The following SLC30A8 variants were observed in gnomAD, a reference collection of about 807,000 sequenced individuals.
SLC30A8 encodes the protein proton-coupled zinc antiporter SLC30A8.
SLC30A8 carries 27 observed loss-of-function variants against 36.9 expected under a neutral mutation model. The ratio of observed to expected loss-of-function variants is 0.73; its 90% CI spans 0.54 to 1.01. The LOEUF is 1.01. SLC30A8 is among the 50% of genes least tolerant of loss of function. The pLI is 0.00. For missense variants in SLC30A8, 439 were observed against 452.0 expected, an observed-to-expected ratio of 0.97 and a Z score of 0.26; for synonymous variants, 164 against 172.4, an observed-to-expected ratio of 0.95 and a Z score of 0.38.
intron 1 of SLC30A8, among the ~76,000 whole-genome samples, chr8:116,977,785 C>G (rs1815103002): frequency 6.6e-6 from 1 of 152,144 alleles, no homozygotes; most frequent in Non-Finnish European, 1.5e-5. Flanking sequence ...GTTGGGATTA[C>G]AGGTGTGAGC....
chr8:117,032,243 A>T (rs1330658558), intron 1 of SLC30A8, among the ~76,000 whole-genome samples: 1 of 151,802 alleles, frequency 6.6e-6, no homozygotes, highest in East Asian at 1.9e-4. Flanking sequence ...CCTTCTCAGT[A>T]CTTGTCAAAG....
chr8:117,121,697 A>C (rs7006515), intron 2 of SLC30A8, among the ~76,000 whole-genome samples: 1 of 151,946 alleles, frequency 6.6e-6, no homozygotes, highest in South Asian at 2.1e-4. Context: ...ACACTGCAAC[A>C]TGGATGAACC....
intron 2 of SLC30A8, among the ~76,000 whole-genome samples, chr8:117,044,181 A>G (rs1817475801): frequency 6.6e-6 from 1 of 152,192 alleles, no homozygotes; most frequent in African/African-American, 2.4e-5. Context: ...CCTGGGGTAA[A>G]GTGTTCAGGC....
At chr8:117,071,191 T>C (rs1233481718) in intron 2 of SLC30A8, among the ~76,000 whole-genome samples, 1 of 152,052 alleles carries the variant, frequency 6.6e-6, no homozygotes, top group East Asian at 1.9e-4. Flanking sequence ...CTTTTCTCCA[T>C]ATCCTCTTCA....
At chr8:117,132,826 GATATA>G (rs1821188720), upstream of SLC30A8, among the ~76,000 whole-genome samples, 1 of 152,086 alleles carries the variant, frequency 6.6e-6, no homozygotes, top group Admixed American at 6.6e-5. Context: ...TATTTTACAT[GATATA>G]ATATGCAATT....
At chr8:116,965,999 T>C (rs1270489140) in intron 1 of SLC30A8, among the ~76,000 whole-genome samples, 2 of 151,752 alleles carry the variant, frequency 1.3e-5, no homozygotes, top group Non-Finnish European at 2.9e-5. Flanking sequence ...TTCTCCTGCC[T>C]CAGCCTTCCA....
intron 2 of SLC30A8, among the ~76,000 whole-genome samples, chr8:117,121,724 T>G (rs1279819754): frequency 6.6e-6 from 1 of 151,964 alleles, no homozygotes; most frequent in Non-Finnish European, 1.5e-5. Context: ...GCATTCTAAG[T>G]GAAATAAGCC....
At chr8:117,156,948 A>C (rs1013503596) in intron 3 of SLC30A8, among the ~76,000 whole-genome samples, 1 of 152,232 alleles carries the variant, frequency 6.6e-6, no homozygotes, top group Non-Finnish European at 1.5e-5. Flanking sequence ...GACTCACAGA[A>C]TGTTTCTAGA....
intron 2 of SLC30A8, among the ~76,000 whole-genome samples, chr8:117,043,376 G>T (rs1033822509): frequency 3.3e-5 from 5 of 152,188 alleles, no homozygotes; most frequent in Non-Finnish European, 4.4e-5. Flanking sequence ...AACTTGAGTG[G>T]GTTTGTGAGG....
intron 1 of SLC30A8, among the ~76,000 whole-genome samples, chr8:117,141,702 C>T (rs1772911937): frequency 6.6e-6 from 1 of 152,092 alleles, no homozygotes; most frequent in Admixed American, 6.5e-5. Flanking sequence ...ATGGTGAAAG[C>T]CTGAAAACTT....
chr8:117,110,573 G>C (rs904737462), intron 2 of SLC30A8, among the ~76,000 whole-genome samples: 1 of 152,168 alleles, frequency 6.6e-6, no homozygotes, highest in Non-Finnish European at 1.5e-5. Flanking sequence ...GCATGCAGGG[G>C]CACATGACGA....
At chr8:116,982,188 CATATGCTTA>C (rs1372035783) in intron 1 of SLC30A8, among the ~76,000 whole-genome samples, 1 of 151,412 alleles carries the variant, frequency 6.6e-6, no homozygotes, top group Non-Finnish European at 1.5e-5. Context: ...GCCATTCTTT[CATATGCTTA>C]ATGTCAAAGA....
intron 1 of SLC30A8, among the ~76,000 whole-genome samples, chr8:117,006,411 G>C (rs1044631227): frequency 3.9e-5 from 6 of 152,288 alleles, no homozygotes; most frequent in Admixed American, 2.6e-4. Context: ...AAAACAGGAA[G>C]GGAGGAAAGA....
intron 1 of SLC30A8, among the ~76,000 whole-genome samples, chr8:116,975,570 T>A (rs548361511): frequency 2.0e-5 from 3 of 152,290 alleles, no homozygotes; most frequent in African/African-American, 7.2e-5. Context: ...TCACCTGCAA[T>A]GACGTAGAGG....
At chr8:117,018,177 A>G (rs1816581240) in intron 1 of SLC30A8, 1 of 152,164 alleles carries the variant, frequency 6.6e-6, no homozygotes, top group Non-Finnish European at 1.5e-5. Context: ...TCCTATACTG[A>G]ACAGCAGTGG....
At chr8:117,156,677 T>C (rs1188649420) in intron 3 of SLC30A8, among the ~76,000 whole-genome samples, 1 of 152,214 alleles carries the variant, frequency 6.6e-6, no homozygotes, top group African/African-American at 2.4e-5. Context: ...ATCAAATATG[T>C]AATTTCATGG....
intron 2 of SLC30A8, among the ~76,000 whole-genome samples, chr8:117,076,519 A>C (rs1404986312): frequency 6.6e-6 from 1 of 151,996 alleles, no homozygotes; most frequent in Non-Finnish European, 1.5e-5. Context: ...CTTGTCTTGT[A>C]CTCTGATTAT....
intron 1 of SLC30A8, among the ~76,000 whole-genome samples, chr8:116,955,365 A>G (rs1269066157): frequency 6.6e-6 from 1 of 152,166 alleles, no homozygotes; most frequent in Non-Finnish European, 1.5e-5. Context: ...GTGAAGACAC[A>G]AAAAGATACA....
At chr8:116,961,677 G>A (rs189083153) in intron 1 of SLC30A8, among the ~76,000 whole-genome samples, 93 of 152,032 alleles carry the variant, frequency 6.1e-4, no homozygotes, top group African/African-American at 1.9e-3. Flanking sequence ...CCAAGATTAA[G>A]GCCCTGGCCT....
Sources: allele counts gnomAD v4.1 joint callset (sites outside exome capture counted in the v4.1 genomes callset), GRCh38; gene constraint gnomAD v4.1.1; transcripts MANE v1.5; gene names NCBI Gene and HGNC (gene_info 2026-07-23, HGNC 2026-07-21).